Variants in BBS9 observed in about 807,000 individuals in gnomAD.
BBS9 encodes Bardet-Biedl syndrome 9.
A neutral mutation model predicts 117.7 loss-of-function variants in BBS9; 89 were observed. The ratio of observed to expected loss-of-function variants is 0.76; its 90% CI spans 0.64 to 0.90. The LOEUF (loss-of-function observed/expected upper bound fraction) is 0.90, where lower values mean the gene tolerates loss of function less well. Among genes scored for constraint, BBS9 ranks in the 40% least tolerant of loss-of-function variants. BBS9 has a pLI of 0.00. For synonymous variants in BBS9, 379 were observed against 370.9 expected, an observed-to-expected ratio of 1.02 and a Z score of -0.25; for missense variants, 982 against 1,042.2, an observed-to-expected ratio of 0.94 and a Z score of 0.80.
At chr7:33,272,865 A>T (rs1019713908) in intron 7 of BBS9, 147 bp from the exon 8 acceptor site, 19 of 816,560 alleles carry the variant, frequency 2.3e-5, no homozygotes, top group African/African-American at 1.8e-5. Flanking sequence ...TCATAGTGAT[A>T]AAAAAAAGAA....
chr7:33,470,404 T>A (rs1175776562), intron 19 of BBS9, among the ~76,000 whole-genome samples: 3 of 152,194 alleles, frequency 2.0e-5, no homozygotes, highest in South Asian at 2.1e-4. Context: ...AAATATATAT[T>A]TTTTTCTATT....
At chr7:33,298,792 G>A (rs78544832) in intron 9 of BBS9, among the ~76,000 whole-genome samples, 2,426 of 152,282 alleles carry the variant, frequency 0.016, 70 homozygotes, top group African/African-American at 0.055. Flanking sequence ...ATTCAGGAAG[G>A]CAGCTAGTTA....
intron 21 of BBS9, among the ~76,000 whole-genome samples, chr7:33,537,365 T>C (rs1160220053): frequency 6.6e-6 from 1 of 152,234 alleles, no homozygotes; most frequent in Non-Finnish European, 1.5e-5. Context: ...AATTACCTTA[T>C]GAACTTCTTT....
rs541493528 is a variant in BBS9 at position 33,501,268 on chromosome 7, C to T, written c.2116-4195C>T. Among the ~76,000 whole-genome samples the T allele has an allele frequency of 2.0e-5, 3 of 152,298 alleles. No individual in the cohort carries two copies. In the East Asian group the frequency reaches 5.8e-4, roughly 29 times the overall value. On this transcript the variant is annotated intron_variant, in intron 19 of 22. Transcript: ENST00000242067. ...TGTTAATTCTGTTAAATTCATTTGG[C>T]TCTTGTGGGGAACACAGTAAACTTG...
intron 21 of BBS9, among the ~76,000 whole-genome samples, chr7:33,581,308 AC>A (rs1158050667): frequency 6.6e-6 from 1 of 152,144 alleles, no homozygotes; most frequent in African/African-American, 2.4e-5. Flanking sequence ...ATGGAAGGTC[AC>A]TGTATGTCCA....
At chr7:33,628,740 CT>C (rs1256454448) in intron 21 of BBS9, among the ~76,000 whole-genome samples, 7 of 152,190 alleles carry the variant, frequency 4.6e-5, no homozygotes, top group African/African-American at 1.7e-4. Flanking sequence ...ATAAAACTGT[CT>C]TTATTCCCAG....
chr7:33,230,080 T>C (rs891834245), intron 5 of BBS9, among the ~76,000 whole-genome samples: 2 of 152,192 alleles, frequency 1.3e-5, no homozygotes, highest in African/African-American at 4.8e-5. Context: ...TCTATTTATG[T>C]CTTTTGCCCA....
At chr7:33,312,584 A>G (rs921111855) in intron 9 of BBS9, among the ~76,000 whole-genome samples, 1 of 152,140 alleles carries the variant, frequency 6.6e-6, no homozygotes, top group Non-Finnish European at 1.5e-5. Flanking sequence ...CAGACATTCA[A>G]AGGCCTTATG....
intron 17 of BBS9, among the ~76,000 whole-genome samples, chr7:33,368,705 T>G (rs961154805): frequency 6.6e-6 from 1 of 151,960 alleles, no homozygotes; most frequent in Non-Finnish European, 1.5e-5. Context: ...TTTCTACCCA[T>G]GCATTTGCAG....
At chr7:33,420,983 T>C (rs1411643084) in intron 19 of BBS9, among the ~76,000 whole-genome samples, 8 of 152,320 alleles carry the variant, frequency 5.3e-5, no homozygotes, top group Non-Finnish European at 1.2e-4. Context: ...GACACTGTTT[T>C]GTGGCATCTT....
At chr7:33,471,346 G>A (rs532488471) in intron 19 of BBS9, among the ~76,000 whole-genome samples, 1 of 152,286 alleles carries the variant, frequency 6.6e-6, no homozygotes, top group South Asian at 2.1e-4. Context: ...AATTGATTTT[G>A]GCTTTATCAT....
chr7:33,311,252 A>G (rs1809164540), intron 9 of BBS9, among the ~76,000 whole-genome samples: 2 of 152,146 alleles, frequency 1.3e-5, no homozygotes. Flanking sequence ...GAGGTAGGTG[A>G]TGAGAGGAGG....
intron 21 of BBS9, among the ~76,000 whole-genome samples, chr7:33,632,702 C>T (rs529241522): frequency 2.0e-5 from 3 of 152,246 alleles, no homozygotes; most frequent in African/African-American, 7.2e-5. Context: ...CGCCAGTCTC[C>T]GCAGTAAAGG....
intron 7 of BBS9, 118 bp downstream of exon 7, chr7:33,264,492 T>C (rs1798481361): frequency 1.6e-6 from 1 of 616,670 alleles, no homozygotes; most frequent in African/African-American, 1.9e-5. Flanking sequence ...TTCTCTTTCC[T>C]ATATTATGGT....
chr7:33,533,829 A>T, intron 20 of BBS9, 125 bp from the exon 21 acceptor site: 1 of 1,150,582 alleles, frequency 8.7e-7, no homozygotes, highest in Non-Finnish European at 1.3e-6. Context: ...AATATTCCAG[A>T]TACCACACTC....
chr7:33,310,906 G>A (rs772728176), intron 9 of BBS9, among the ~76,000 whole-genome samples: 4 of 152,168 alleles, frequency 2.6e-5, no homozygotes, highest in Admixed American at 2.6e-4. Flanking sequence ...AAGCAGTCAT[G>A]GTCACTGAAT....
intron 5 of BBS9, among the ~76,000 whole-genome samples, chr7:33,231,783 A>G (rs1469625510): frequency 2.6e-5 from 4 of 152,164 alleles, no homozygotes; most frequent in African/African-American, 4.8e-5. Context: ...TAATTGAAAC[A>G]TAAGAGTTTC....
intron 20 of BBS9, among the ~76,000 whole-genome samples, chr7:33,521,473 G>C (rs552318786): frequency 6.6e-6 from 1 of 152,230 alleles, no homozygotes; most frequent in East Asian, 1.9e-4. Flanking sequence ...TGTGAGTTGT[G>C]ACAAAGATAC....
chr7:33,359,803 C>A (rs780017617), intron 16 of BBS9, among the ~76,000 whole-genome samples: 1 of 151,866 alleles, frequency 6.6e-6, no homozygotes, highest in Admixed American at 6.6e-5. Context: ...TATTCCAGTT[C>A]TCTTTCTGTG....
Sources: gnomAD v4.1 joint callset for allele counts (sites outside exome capture counted in the v4.1 genomes callset) on GRCh38, gnomAD v4.1.1 for gene constraint, MANE v1.5 for transcripts, NCBI Gene and HGNC (gene_info 2026-07-23, HGNC 2026-07-21) for gene names.